ZNF536: variants seen among roughly 807,000 people sequenced by gnomAD.
ZNF536 encodes zinc finger protein 536.
Under a neutral mutation model 84.5 loss-of-function variants are expected in ZNF536, and 13 were observed. That is an observed-to-expected ratio of 0.15 (90% CI 0.10 to 0.24). ZNF536 has a LOEUF of 0.24. ZNF536 is among the 10% of genes least tolerant of loss of function. ZNF536 has a pLI of 1.00. For synonymous variants in ZNF536, 811 were observed against 742.5 expected (o/e 1.09, Z -1.50); for missense variants, 1,536 against 1,747.5 (o/e 0.88, Z 2.16).
At chr19:30,250,730 C>A (rs2024557794) in intron 1 of ZNF536, among the ~76,000 whole-genome samples, 1 of 152,082 alleles carries the variant, frequency 6.6e-6, no homozygotes, top group Non-Finnish European at 1.5e-5. Context: ...ACTACGATTC[C>A]TCTTCTGTCT....
rs181184369 is a variant in ZNF536, at chr19:30,422,184, C to G, written c.-2-21377C>G. On this transcript the variant is annotated intron_variant, in intron 1 of 4. Transcript: ENST00000355537. ...TTTATTTTATTTATTTTCTGAAACA[C>G]GTGAGGTGACCCTTAGCTACTGGAG... Among the ~76,000 whole-genome samples the G allele has an allele frequency of 5.3e-5, 8 of 152,086 alleles. No individual in the cohort carries two copies. The East Asian group carries it at 1.6e-3, about 29-fold the overall frequency.
At chr19:30,544,759 G>T (rs2045475973) in intron 3 of ZNF536, among the ~76,000 whole-genome samples, 1 of 152,220 alleles carries the variant, frequency 6.6e-6, no homozygotes, top group African/African-American at 2.4e-5. Context: ...TGACAAGTAT[G>T]TGCACAAGTA....
chr19:30,381,503 G>T (rs974591928), intron 1 of ZNF536, among the ~76,000 whole-genome samples: 2 of 152,220 alleles, frequency 1.3e-5, no homozygotes, highest in Non-Finnish European at 2.9e-5. Context: ...GGAAGATGGA[G>T]CCAGGCTTCC....
intron 2 of ZNF536, among the ~76,000 whole-genome samples, chr19:30,310,437 A>T (rs2046463724): frequency 6.6e-6 from 1 of 152,256 alleles, no homozygotes; most frequent in Admixed American, 6.5e-5. Context: ...AGGCAAACTA[A>T]CATGATGATG....
chr19:30,628,620 G>A (rs1444172095), intron 1 of ZNF536, among the ~76,000 whole-genome samples: 1 of 151,826 alleles, frequency 6.6e-6, no homozygotes, highest in Non-Finnish European at 1.5e-5. Context: ...TAGTAGAGTC[G>A]GGGTTTCACC....
chr19:30,467,182 C>G (rs909348458), intron 2 of ZNF536, among the ~76,000 whole-genome samples: 5 of 152,186 alleles, frequency 3.3e-5, no homozygotes, highest in African/African-American at 1.2e-4. Context: ...GCTACATGCA[C>G]ATGGTTATGT....
intron 1 of ZNF536, among the ~76,000 whole-genome samples, chr19:30,664,989 A>C (rs1277932337): frequency 6.6e-6 from 1 of 152,266 alleles, no homozygotes; most frequent in Non-Finnish European, 1.5e-5. Flanking sequence ...GTTCTTCAAC[A>C]GGAAACACTT....
At chr19:30,225,774 G>A (rs898878460), upstream of ZNF536, among the ~76,000 whole-genome samples, 1 of 150,062 alleles carries the variant, frequency 6.7e-6, no homozygotes. Flanking sequence ...CGGCGTCCGG[G>A]AGGTGGCAAA....
At chr19:30,660,958 T>C (rs1396009208) in intron 1 of ZNF536, among the ~76,000 whole-genome samples, 2 of 152,214 alleles carry the variant, frequency 1.3e-5, no homozygotes, top group African/African-American at 4.8e-5. Flanking sequence ...CTGTTTCGTT[T>C]TGTGCAAACA....
At chr19:30,424,270 C>A (rs1205593285) in intron 1 of ZNF536, among the ~76,000 whole-genome samples, 1 of 152,144 alleles carries the variant, frequency 6.6e-6, no homozygotes, top group East Asian at 1.9e-4. Flanking sequence ...AGCAGGAGCA[C>A]TAGGTGGGTG....
Position 30,445,656 on chromosome 19 carries a change from C to T in ZNF536, c.2094C>T (p.Ser698=), listed in dbSNP as rs1049655705. 8 of 1,610,786 alleles carry T rather than the reference C, an allele frequency of 5.0e-6. No individual in the cohort carries two copies. Among genetic ancestry groups the T allele is most frequent in the Non-Finnish European group, 6.8e-6 (8 of 1,178,522 alleles). Residue 698 remains serine, a synonymous_variant, in exon 2 of 5, where the codon AGC becomes AGT. Transcript: ENST00000355537. The surrounding 1 kb of genome is among the most constrained non-coding windows in gnomAD (Gnocchi z 4.5). ...GCTCCTCTAACGTCACCGAGGAGAG[C>T]GGGGTCGGAGGCGGCCTCTCCCAGA... ...TPGSSNVTEE[S]GVGGGLSQTG... is the part of the protein sequence containing the mutation.
At chr19:30,463,010 G>A (rs1358824900) in intron 2 of ZNF536, among the ~76,000 whole-genome samples, 2 of 141,966 alleles carry the variant, frequency 1.4e-5, no homozygotes, top group African/African-American at 5.0e-5. Context: ...GTGTGGATAA[G>A]GATGTGTGTG....
At position 30,444,239 on chromosome 19, in the gene ZNF536, C is replaced by G. The variant is rs2148175328; in HGVS notation, c.677C>G (p.Pro226Arg). The stretch of plus-strand genomic sequence containing the variant: ...CTGCAGCCCCGGCCGGACCTGAAGC[C>G]CCCGCCGCACGCCCAGCAGGCCCCG... The part of the protein sequence containing the change: ...SLLQPRPDLK[P>R]PPHAQQAPLA... The change falls in exon 2 of 5, where the codon CCC becomes CGC. Residue 226 changes from proline (P) to arginine (R), a missense_variant. This residue lies in a region of ZNF536 where 138 missense variants were observed against 136.8 expected (regional missense o/e 1.01). Transcript: ENST00000355537. The G allele has an allele frequency of 6.5e-7, 1 of 1,545,114 alleles. No homozygotes were observed. The highest frequency in any genetic ancestry group is 1.2e-5 in the South Asian group (1 of 85,294).
chr19:30,645,851 T>C (rs2049445763), intron 1 of ZNF536, among the ~76,000 whole-genome samples: 1 of 152,238 alleles, frequency 6.6e-6, no homozygotes, highest in Non-Finnish European at 1.5e-5. Flanking sequence ...TGGTCATTAT[T>C]CTGACCTAGA....
Position 30,300,040 on chromosome 19 carries a change from C to A in ZNF536, c.-120+15899C>A, listed in dbSNP as rs528403556. Among the ~76,000 whole-genome samples, 162 of 152,258 alleles carry A rather than the reference C, an allele frequency of 1.1e-3. 1 individual carries two copies. The highest frequency in any genetic ancestry group is 3.7e-3 in the African/African-American group (152 of 41,546). On this transcript the variant is annotated intron_variant, in intron 2 of 5. Coordinates refer to the ZNF536 transcript ENST00000585628. ...CCACTACTTTTCAGACGAGGCAAAA[C>A]CTTTCGGCACCAAATATTGGAAATG...
chr19:30,677,372 C>T (rs1340732962), intron 1 of ZNF536, among the ~76,000 whole-genome samples: 2 of 152,216 alleles, frequency 1.3e-5, no homozygotes, highest in African/African-American at 4.8e-5. Context: ...ATCAATTTGG[C>T]CTCTGAAAGG....
chr19:30,332,224 T>A (rs2047233376), intron 2 of ZNF536, among the ~76,000 whole-genome samples: 1 of 152,198 alleles, frequency 6.6e-6, no homozygotes, highest in African/African-American at 2.4e-5. Flanking sequence ...TCCATTAAAA[T>A]GCAGAAGTCT....
In ZNF536 at chr19:30,399,529, T is replaced by C. The variant is rs189196107; in HGVS notation, c.-3+26973T>C. ...GAATGGTATTGCCTAGGTTTTCTTC[T>C]AGGATTTTTATGGTTTTAGGTCTTA... is the stretch of plus-strand genomic sequence containing the variant. On this transcript the variant is annotated intron_variant, in intron 1 of 4. Coordinates refer to ENST00000355537, the MANE Select transcript of ZNF536 (RefSeq NM_014717.3). 8.9e-4 allele frequency among the ~76,000 whole-genome samples: 136 copies of C among 152,310 alleles called. 1 individual carries two copies. The highest frequency in any genetic ancestry group is 3.1e-3 in the African/African-American group (130 of 41,572).
chr19:30,624,373 T>C (rs2048599664), intron 1 of ZNF536, among the ~76,000 whole-genome samples: 1 of 152,122 alleles, frequency 6.6e-6, no homozygotes, highest in African/African-American at 2.4e-5. Flanking sequence ...TGCCCTTACC[T>C]CATCAACTGC....
Sources: allele counts gnomAD v4.1 joint callset (sites outside exome capture counted in the v4.1 genomes callset), GRCh38; gene constraint gnomAD v4.1.1; regional missense constraint gnomAD v4.1.1; non-coding constraint Gnocchi (gnomAD v3.1); transcripts MANE v1.5; gene names NCBI Gene and HGNC (gene_info 2026-07-23, HGNC 2026-07-21).